The following TBC1D5 variants were observed in gnomAD, a reference collection of about 807,000 sequenced individuals.
The protein encoded by TBC1D5 is TBC1 domain family member 5.
TBC1D5 carries 75 observed loss-of-function variants against 100.3 expected under a neutral mutation model. The observed-to-expected ratio is 0.75, with a 90% CI of 0.62 to 0.91. The LOEUF (loss-of-function observed/expected upper bound fraction) is 0.91, where lower values mean the gene tolerates loss of function less well. TBC1D5 is among the 40% of genes least tolerant of loss of function. TBC1D5 has a pLI of 0.00. For synonymous variants in TBC1D5, 323 were observed against 325.6 expected (o/e 0.99, Z 0.09); for missense variants, 910 against 942.4 (o/e 0.97, Z 0.45).
intron 3 of TBC1D5, among the ~76,000 whole-genome samples, chr3:17,493,336 A>C (rs896818505): frequency 6.6e-6 from 1 of 151,262 alleles, no homozygotes; most frequent in African/African-American, 2.4e-5. Flanking sequence ...TTCCCTTTGT[A>C]GGTGACCTGG....
At chr3:17,325,093 T>G (rs761989271) in intron 13 of TBC1D5, among the ~76,000 whole-genome samples, 2 of 152,156 alleles carry the variant, frequency 1.3e-5, no homozygotes, top group Non-Finnish European at 2.9e-5. Context: ...AACAACCCAG[T>G]GATCTGTCTC....
intron 3 of TBC1D5, among the ~76,000 whole-genome samples, chr3:17,452,660 T>G (rs1404399308): frequency 1.3e-5 from 2 of 151,910 alleles, no homozygotes; most frequent in African/African-American, 4.8e-5. Flanking sequence ...ATCCAACATA[T>G]AAAGCAAATA....
At chr3:17,387,558 A>G (rs1486961994) in intron 8 of TBC1D5, among the ~76,000 whole-genome samples, 3 of 152,060 alleles carry the variant, frequency 2.0e-5, no homozygotes, top group African/African-American at 4.8e-5. Context: ...GAGAAAAAGT[A>G]CAGTGAGTAG....
chr3:17,365,009 T>G (rs2092013967), intron 13 of TBC1D5, among the ~76,000 whole-genome samples: 6 of 152,222 alleles, frequency 3.9e-5, no homozygotes, highest in Admixed American at 3.9e-4. Flanking sequence ...ATTTATTTCA[T>G]GTGTACTGAT....
At chr3:17,652,970 TAAG>T (rs1413638605) in intron 1 of TBC1D5, among the ~76,000 whole-genome samples, 1 of 152,134 alleles carries the variant, frequency 6.6e-6, no homozygotes, top group Non-Finnish European at 1.5e-5. Context: ...TGTTCAGCCA[TAAG>T]AAGAAATGAG....
At chr3:17,262,606 C>T (rs376854112) in intron 15 of TBC1D5, among the ~76,000 whole-genome samples, 1,594 of 151,204 alleles carry the variant, frequency 0.011, 29 homozygotes, top group African/African-American at 0.036. Context: ...CTCAGCCTCC[C>T]GAGTAGCTGG....
chr3:17,249,872 T>C (rs560674460), intron 16 of TBC1D5, among the ~76,000 whole-genome samples: 2 of 152,298 alleles, frequency 1.3e-5, no homozygotes, highest in African/African-American at 4.8e-5. Flanking sequence ...ATGGGTGCAG[T>C]TCATGGTGCC....
At chr3:17,557,788 T>G (rs2096531843) in intron 2 of TBC1D5, among the ~76,000 whole-genome samples, 1 of 152,116 alleles carries the variant, frequency 6.6e-6, no homozygotes, top group Admixed American at 6.5e-5. Context: ...AAATTAACAT[T>G]TTAAAATTTA....
intron 13 of TBC1D5, among the ~76,000 whole-genome samples, chr3:17,362,280 G>A (rs1316637608): frequency 6.6e-6 from 1 of 152,094 alleles, no homozygotes; most frequent in Non-Finnish European, 1.5e-5. Flanking sequence ...TGATAAATTA[G>A]GTTTCAACAA....
Position 17,494,022 on chromosome 3 carries a change from G to A in TBC1D5, c.97+14452C>T, listed in dbSNP as rs144470341. ...AGAGGCACTCTGACTAGTTTTCAGC[G>A]TTTTTGCGCTTATTTTTTCTCATCT... is the stretch of plus-strand genomic sequence containing the variant. On this transcript the variant is annotated intron_variant, in intron 3 of 21. Transcript: ENST00000253692. 2.6e-5 allele frequency among the ~76,000 whole-genome samples: 4 copies of A among 152,188 alleles called. 1 individual carries two copies. In the East Asian group the frequency reaches 5.8e-4, roughly 22 times the overall value.
At chr3:17,643,389 T>C (rs533236313) in intron 1 of TBC1D5, among the ~76,000 whole-genome samples, 2 of 152,196 alleles carry the variant, frequency 1.3e-5, no homozygotes, top group African/African-American at 4.8e-5. Context: ...TTACTATTTT[T>C]CTCTTTGTAA....
intron 2 of TBC1D5, among the ~76,000 whole-genome samples, chr3:17,605,866 T>C (rs1286034206): frequency 6.6e-6 from 1 of 152,324 alleles, no homozygotes; most frequent in African/African-American, 2.4e-5. Context: ...TTTCATAATA[T>C]TGAATAGACT....
intron 3 of TBC1D5, among the ~76,000 whole-genome samples, chr3:17,432,692 C>T (rs1017467129): frequency 1.3e-5 from 2 of 152,030 alleles, no homozygotes; most frequent in African/African-American, 4.8e-5. Flanking sequence ...AAAACTCAAA[C>T]GTAAAATAGA....
intron 13 of TBC1D5, among the ~76,000 whole-genome samples, chr3:17,347,480 G>A (rs1427338492): frequency 2.0e-5 from 3 of 151,556 alleles, no homozygotes; most frequent in African/African-American, 7.3e-5. Flanking sequence ...ATTTTTCTCA[G>A]GTACAAATTA....
chr3:17,352,687 A>AAAAAAAAC (rs2090752827), intron 13 of TBC1D5, among the ~76,000 whole-genome samples: 1 of 150,578 alleles, frequency 6.6e-6, no homozygotes, highest in South Asian at 2.1e-4. Context: ...AAAAGGCAAA[A>AAAAAAAAC]AAAAAAAAAA....
chr3:17,334,864 A>C (rs1262694521), intron 13 of TBC1D5, among the ~76,000 whole-genome samples: 1 of 152,164 alleles, frequency 6.6e-6, no homozygotes, highest in East Asian at 1.9e-4. Flanking sequence ...TTTCCAAAGT[A>C]ATCTGACTTT....
chr3:17,723,182 ATTGT>A (rs1165359897), intron 1 of TBC1D5, among the ~76,000 whole-genome samples: 2 of 152,174 alleles, frequency 1.3e-5, no homozygotes, highest in Admixed American at 6.6e-5. Flanking sequence ...GTGTAATTTG[ATTGT>A]TTGTAATACA....
At chr3:17,700,082 A>G (rs1372299704) in intron 1 of TBC1D5, 1 of 152,052 alleles carries the variant, frequency 6.6e-6, no homozygotes, top group Non-Finnish European at 1.5e-5. Context: ...CCACCTTCTT[A>G]ATTATCCATC....
intron 1 of TBC1D5, among the ~76,000 whole-genome samples, chr3:17,635,912 G>A (rs1486703567): frequency 6.6e-6 from 1 of 152,148 alleles, no homozygotes; most frequent in Non-Finnish European, 1.5e-5. Flanking sequence ...GAATGTTTTG[G>A]CCGGACACGG....
Sources: allele counts gnomAD v4.1 joint callset (sites outside exome capture counted in the v4.1 genomes callset), GRCh38; gene constraint gnomAD v4.1.1; transcripts MANE v1.5; gene names NCBI Gene and HGNC (gene_info 2026-07-23, HGNC 2026-07-21).